Variants in SAMD12 observed in about 807,000 individuals in gnomAD.
SAMD12 encodes the protein sterile alpha motif domain-containing protein 12.
A neutral mutation model predicts 15.0 loss-of-function variants in SAMD12; 9 were observed. That is an observed-to-expected ratio of 0.60 (90% CI 0.36 to 1.05). The LOEUF is 1.05. Ranked by LOEUF, SAMD12 falls within the 50% of genes least tolerant of loss-of-function variation. SAMD12 has a pLI of 0.01. For synonymous variants in SAMD12, 86 were observed against 90.1 expected (o/e 0.96, Z 0.25); for missense variants, 230 against 234.2 (o/e 0.98, Z 0.12).
intron 4 of SAMD12, among the ~76,000 whole-genome samples, chr8:118,326,512 G>A (rs994282861): frequency 6.6e-6 from 1 of 152,144 alleles, no homozygotes; most frequent in Admixed American, 6.6e-5. Flanking sequence ...CAGGGAAAGA[G>A]AGCCATTTCA....
intron 2 of SAMD12, among the ~76,000 whole-genome samples, chr8:118,493,269 T>G (rs981346609): frequency 2.0e-5 from 3 of 152,286 alleles, no homozygotes; most frequent in African/African-American, 7.2e-5. Context: ...CCAAGTGCCA[T>G]ATGTGCTAAA....
At chr8:118,364,215 T>C (rs543315964) in intron 4 of SAMD12, among the ~76,000 whole-genome samples, 1 of 152,306 alleles carries the variant, frequency 6.6e-6, no homozygotes, top group East Asian at 1.9e-4. Flanking sequence ...AGAGTCTCTG[T>C]GTAAAGTAAC....
chr8:118,164,113 G>A, the SAMD12 span, among the ~76,000 whole-genome samples: 1 of 152,122 alleles, frequency 6.6e-6, no homozygotes, highest in Non-Finnish European at 1.5e-5. Context: ...AGTAGGAAGA[G>A]GAGGGAGAGC....
chr8:118,529,184 TG>T (rs1825617384), intron 2 of SAMD12, among the ~76,000 whole-genome samples: 1 of 152,184 alleles, frequency 6.6e-6, no homozygotes, highest in African/African-American at 2.4e-5. Context: ...TTCAAGTTTT[TG>T]CTTCCCTCTT....
At chr8:118,564,811 C>T (rs1304166486) in intron 2 of SAMD12, among the ~76,000 whole-genome samples, 1 of 152,216 alleles carries the variant, frequency 6.6e-6, no homozygotes, top group African/African-American at 2.4e-5. Context: ...ACGAAGGTTG[C>T]TATAAGTCAG....
At chr8:118,580,492 C>A (rs1365404771) in intron 2 of SAMD12, among the ~76,000 whole-genome samples, 2 of 152,282 alleles carry the variant, frequency 1.3e-5, no homozygotes, top group East Asian at 3.9e-4. Context: ...AACCTCAGAG[C>A]CTCACACTAT....
intron 4 of SAMD12, among the ~76,000 whole-genome samples, chr8:118,253,042 G>A (rs1240983203): frequency 6.6e-6 from 1 of 152,154 alleles, no homozygotes; most frequent in Non-Finnish European, 1.5e-5. Context: ...AGCATTGGCT[G>A]GGGAGACCTG....
intron 2 of SAMD12, among the ~76,000 whole-genome samples, chr8:118,573,562 G>A (rs74705802): frequency 0.024 from 3,587 of 152,254 alleles, 73 homozygotes; most frequent in East Asian, 0.099. Context: ...CTGTAATCAG[G>A]AATTTTCTTG....
chr8:118,223,084 G>T (rs17507613), intron 4 of SAMD12, among the ~76,000 whole-genome samples: 1 of 152,136 alleles, frequency 6.6e-6, no homozygotes, highest in Non-Finnish European at 1.5e-5. Flanking sequence ...ACATATTCCA[G>T]CTTAAGCAGA....
intron 4 of SAMD12, among the ~76,000 whole-genome samples, chr8:118,283,466 A>G (rs1813761081): frequency 6.6e-6 from 1 of 152,234 alleles, no homozygotes; most frequent in Non-Finnish European, 1.5e-5. Flanking sequence ...CATGCCCAAG[A>G]GAGACACGAC....
chr8:118,506,473 A>G (rs375515244), intron 2 of SAMD12, among the ~76,000 whole-genome samples: 46 of 152,118 alleles, frequency 3.0e-4, no homozygotes, highest in Middle Eastern at 6.8e-3. Flanking sequence ...CTAATTCCCA[A>G]TTTTCCACGG....
intron 4 of SAMD12, among the ~76,000 whole-genome samples, chr8:118,328,082 T>C (rs112707445): frequency 0.018 from 2,673 of 152,336 alleles, 30 homozygotes; most frequent in Non-Finnish European, 0.028. Context: ...AGGAATAACA[T>C]GGTCTGCTCT....
intron 2 of SAMD12, among the ~76,000 whole-genome samples, chr8:118,545,993 C>T (rs1388578623): frequency 2.0e-5 from 3 of 152,258 alleles, no homozygotes; most frequent in East Asian, 1.9e-4. Context: ...GCTCCAAAAC[C>T]GGGACCCTTA....
chr8:118,548,295 T>C (rs767603325), intron 2 of SAMD12, among the ~76,000 whole-genome samples: 1 of 151,892 alleles, frequency 6.6e-6, no homozygotes, highest in Non-Finnish European at 1.5e-5. Context: ...CAGGCTCCAG[T>C]GGGGTAATAG....
intron 4 of SAMD12, among the ~76,000 whole-genome samples, chr8:118,345,324 G>A (rs140179237): frequency 2.6e-5 from 4 of 152,310 alleles, no homozygotes; most frequent in Admixed American, 6.5e-5. Context: ...ACACTGCGAT[G>A]CTCACACAAT....
chr8:118,234,526 A>G (rs1444613235), intron 4 of SAMD12, among the ~76,000 whole-genome samples: 5 of 151,982 alleles, frequency 3.3e-5, no homozygotes, highest in African/African-American at 4.8e-5. Flanking sequence ...CCTGGCCAAC[A>G]TGGTGAAACC....
intron 4 of SAMD12, among the ~76,000 whole-genome samples, chr8:118,254,441 G>A (rs1812887399): frequency 6.6e-6 from 1 of 152,196 alleles, no homozygotes; most frequent in South Asian, 2.1e-4. Flanking sequence ...AAGACACAGC[G>A]AGCTATGCTG....
downstream of SAMD12, among the ~76,000 whole-genome samples, chr8:118,189,055 TGA>T (rs1417181421): frequency 6.6e-5 from 10 of 152,030 alleles, no homozygotes; most frequent in African/African-American, 2.4e-4. Context: ...CTCTCTGGGG[TGA>T]GAGGAAATCG....
At chr8:118,160,943 C>T in the SAMD12 span, among the ~76,000 whole-genome samples, 49 of 152,240 alleles carry the variant, frequency 3.2e-4, no homozygotes, top group Middle Eastern at 3.4e-3. Context: ...TCCCTGCCCC[C>T]GCACCCCACC....
Sources: allele counts gnomAD v4.1 joint callset (sites outside exome capture counted in the v4.1 genomes callset), GRCh38; gene constraint gnomAD v4.1.1; transcripts MANE v1.5; gene names NCBI Gene and HGNC (gene_info 2026-07-23, HGNC 2026-07-21).